The following SLC4A10 variants were observed in gnomAD, a reference collection of about 807,000 sequenced individuals.
SLC4A10 encodes sodium-driven chloride bicarbonate exchanger.
SLC4A10 carries 42 observed loss-of-function variants against 137.7 expected under a neutral mutation model. That is an observed-to-expected ratio of 0.30 (90% CI 0.24 to 0.39). SLC4A10 has a LOEUF of 0.39. SLC4A10 is among the 10% of genes least tolerant of loss of function. The pLI, the probability that SLC4A10 is intolerant of heterozygous loss-of-function variation, is 1.00. For missense variants in SLC4A10, 925 were observed against 1,355.0 expected (o/e 0.68, Z 4.98); for synonymous variants, 474 against 464.1 (o/e 1.02, Z -0.27).
chr2:161,916,733 C>T (rs1202783521), intron 15 of SLC4A10, among the ~76,000 whole-genome samples: 1 of 152,196 alleles, frequency 6.6e-6, no homozygotes, highest in Non-Finnish European at 1.5e-5. Context: ...GCCCTTCACA[C>T]TGTCTTTTTA....
At chr2:161,713,939 G>T (rs756321112) in intron 1 of SLC4A10, among the ~76,000 whole-genome samples, 4 of 151,770 alleles carry the variant, frequency 2.6e-5, no homozygotes, top group Non-Finnish European at 5.9e-5. Flanking sequence ...GGTATCAGAT[G>T]CAGGAAGACG....
intron 1 of SLC4A10, among the ~76,000 whole-genome samples, chr2:161,720,375 T>C (rs1435214098): frequency 6.6e-6 from 1 of 152,172 alleles, no homozygotes; most frequent in African/African-American, 2.4e-5. Flanking sequence ...CTTGGTGATG[T>C]GGGTTCTTTT....
chr2:161,678,596 A>G (rs1419231243), intron 1 of SLC4A10, among the ~76,000 whole-genome samples: 2 of 152,170 alleles, frequency 1.3e-5, no homozygotes, highest in Non-Finnish European at 2.9e-5. Flanking sequence ...CCAATACCAG[A>G]GAAGACTCCT....
At chr2:161,894,267 A>G (rs1191563627) in intron 10 of SLC4A10, among the ~76,000 whole-genome samples, 1 of 152,130 alleles carries the variant, frequency 6.6e-6, no homozygotes, top group Non-Finnish European at 1.5e-5. Context: ...AACCTTTTAA[A>G]TTAATTTATT....
At chr2:161,961,120 T>C (rs1027998486) in intron 21 of SLC4A10, among the ~76,000 whole-genome samples, 3 of 152,238 alleles carry the variant, frequency 2.0e-5, no homozygotes, top group Non-Finnish European at 2.9e-5. Context: ...CAGCTTTTTC[T>C]ATAACACAGC....
intron 15 of SLC4A10, among the ~76,000 whole-genome samples, chr2:161,914,549 A>G (rs1686638460): frequency 6.6e-6 from 1 of 152,240 alleles, no homozygotes; most frequent in East Asian, 1.9e-4. Flanking sequence ...TGGTATCTTC[A>G]TGGTCTATAA....
chr2:161,665,924 A>G (rs2105747683), intron 1 of SLC4A10, among the ~76,000 whole-genome samples: 1 of 148,524 alleles, frequency 6.7e-6, no homozygotes, highest in South Asian at 2.1e-4. Context: ...AAAACCCTAT[A>G]TATAGACTAC....
chr2:161,898,488 A>G (rs1311066395), intron 11 of SLC4A10, among the ~76,000 whole-genome samples: 2 of 152,188 alleles, frequency 1.3e-5, no homozygotes, highest in Non-Finnish European at 2.9e-5. Flanking sequence ...GTTAATATAC[A>G]TTAAACATTC....
At chr2:161,791,898 C>T (rs1244472971) in intron 2 of SLC4A10, among the ~76,000 whole-genome samples, 1 of 152,062 alleles carries the variant, frequency 6.6e-6, no homozygotes, top group Non-Finnish European at 1.5e-5. Context: ...GTTTATTTGA[C>T]AGTTTACAAG....
intron 2 of SLC4A10, among the ~76,000 whole-genome samples, chr2:161,799,977 T>C (rs903004915): frequency 2.6e-5 from 4 of 152,156 alleles, no homozygotes; most frequent in East Asian, 1.9e-4. Flanking sequence ...ATCTCCGTTA[T>C]ATACAATAAG....
intron 15 of SLC4A10, among the ~76,000 whole-genome samples, chr2:161,906,749 T>A (rs111641080): frequency 0.024 from 3,580 of 152,272 alleles, 148 homozygotes; most frequent in African/African-American, 0.082. Flanking sequence ...ATCAGAAGTT[T>A]AAATTGTTGA....
intron 1 of SLC4A10, among the ~76,000 whole-genome samples, chr2:161,662,571 C>T (rs1234442148): frequency 2.6e-5 from 4 of 152,164 alleles, no homozygotes; most frequent in African/African-American, 7.2e-5. Flanking sequence ...GGCATCTTGA[C>T]TCATGGTTAA....
intron 18 of SLC4A10, 132 bp downstream of exon 18, chr2:161,949,393 G>T: frequency 3.8e-6 from 2 of 519,688 alleles, no homozygotes; most frequent in Non-Finnish European, 6.8e-6. Flanking sequence ...TAAATGAAAT[G>T]CACACAGCAT....
intron 23 of SLC4A10, among the ~76,000 whole-genome samples, chr2:161,968,815 A>G (rs905408148): frequency 6.6e-6 from 1 of 152,202 alleles, no homozygotes; most frequent in Non-Finnish European, 1.5e-5. Flanking sequence ...TGGTCACTAA[A>G]GACATTAGGA....
At chr2:161,720,837 C>CT (rs376994491) in intron 1 of SLC4A10, among the ~76,000 whole-genome samples, 10,960 of 144,076 alleles carry the variant, frequency 0.076, 483 homozygotes, top group East Asian at 0.14. Context: ...TTTTTTTTTT[C>CT]TTTTTTTTCT....
chr2:161,830,904 G>T (rs1302636663), intron 3 of SLC4A10, among the ~76,000 whole-genome samples: 1 of 152,070 alleles, frequency 6.6e-6, no homozygotes. Context: ...GGATAGCAGG[G>T]GCCTGATTTG....
At position 161,681,566 on chromosome 2, in the gene SLC4A10, A is replaced by G. The variant is rs114316041; in HGVS notation, c.48+57000A>G. Among the ~76,000 whole-genome samples, 502 of 152,242 alleles carry G rather than the reference A, an allele frequency of 3.3e-3. 2 individuals are homozygous for G. Among genetic ancestry groups the G allele is most frequent in the African/African-American group, 0.012 (482 of 41,560 alleles). ...AAAAACTTAGTAACTTTGCCCTTGT[A>G]TTACTATATTCACTGAACAAGTTCC... On this transcript the variant is annotated intron_variant, in intron 1 of 26. Coordinates refer to ENST00000446997, the MANE Select transcript of SLC4A10 (RefSeq NM_001178015.2).
chr2:161,707,112 A>G (rs1468914073), intron 1 of SLC4A10, among the ~76,000 whole-genome samples: 4 of 151,612 alleles, frequency 2.6e-5, no homozygotes, highest in African/African-American at 9.7e-5. Flanking sequence ...TTTGATTATA[A>G]TAAGAGGGTA....
At chr2:161,905,547 C>T in intron 14 of SLC4A10, 95 bp from the exon 15 acceptor site, 1 of 1,479,410 alleles carries the variant, frequency 6.8e-7, no homozygotes, top group Non-Finnish European at 9.1e-7. Flanking sequence ...TATTTACTTT[C>T]ACTTCCTGAA....
Sources: gnomAD v4.1 joint callset for allele counts (sites outside exome capture counted in the v4.1 genomes callset) on GRCh38, gnomAD v4.1.1 for gene constraint, MANE v1.5 for transcripts, NCBI Gene and HGNC (gene_info 2026-07-23, HGNC 2026-07-21) for gene names.